The following CHCHD3 variants were observed in gnomAD, a reference collection of about 807,000 sequenced individuals.
CHCHD3 encodes MICOS complex subunit MIC19.
A neutral mutation model predicts 38.2 loss-of-function variants in CHCHD3; 20 were observed. That is an observed-to-expected ratio of 0.52 (90% CI 0.37 to 0.76). The LOEUF is 0.76. Among genes scored for constraint, CHCHD3 ranks in the 30% least tolerant of loss-of-function variants. CHCHD3 has a pLI of 0.00. For missense variants in CHCHD3, 245 were observed against 279.2 expected (o/e 0.88, Z 0.87); for synonymous variants, 82 against 100.0 (o/e 0.82, Z 1.07).
At chr7:132,973,858 C>A in intron 4 of CHCHD3, 1 of 1,153,528 alleles carries the variant, frequency 8.7e-7, no homozygotes, top group Non-Finnish European at 1.1e-6. Flanking sequence ...CTCTTCAGTT[C>A]AAAGTTCTCC....
rs190778964 is a variant in CHCHD3, at chr7:132,893,752, G to A, written c.370-8007C>T. 2.6e-3 allele frequency among the ~76,000 whole-genome samples: 394 copies of A among 152,270 alleles called. 4 individuals are homozygous for A. The highest frequency in any genetic ancestry group is 9.0e-3 in the African/African-American group (375 of 41,556). On this transcript the variant is annotated intron_variant, in intron 4 of 7. Transcript: ENST00000262570. ...AGCTCTCATGAGATCTGATGGTTCT[G>A]TAAGTGTCTGAAGGTTTCTCTTTCA...
At chr7:132,856,393 T>A (rs1222674237) in intron 5 of CHCHD3, among the ~76,000 whole-genome samples, 1 of 152,256 alleles carries the variant, frequency 6.6e-6, no homozygotes. Context: ...TGAACACATT[T>A]CAAGAGAAAG....
intron 2 of CHCHD3, among the ~76,000 whole-genome samples, chr7:133,066,291 G>C (rs930044986): frequency 1.4e-5 from 2 of 147,318 alleles, no homozygotes; most frequent in Admixed American, 1.4e-4. Flanking sequence ...GTCTCACTCT[G>C]TTGCCCAGGC....
At chr7:132,916,269 A>T (rs181644329) in intron 4 of CHCHD3, among the ~76,000 whole-genome samples, 1 of 152,318 alleles carries the variant, frequency 6.6e-6, no homozygotes, top group East Asian at 1.9e-4. Context: ...GTGCTCTTTC[A>T]CAGAATTAGA....
chr7:132,951,310 G>A (rs79766754), intron 4 of CHCHD3, among the ~76,000 whole-genome samples: 2,130 of 152,284 alleles, frequency 0.014, 56 homozygotes, highest in African/African-American at 0.048. Context: ...TCAAGAAATA[G>A]AGTCCCTGGC....
intron 5 of CHCHD3, among the ~76,000 whole-genome samples, chr7:132,842,052 C>T (rs1036450729): frequency 2.6e-5 from 4 of 151,852 alleles, no homozygotes; most frequent in Non-Finnish European, 5.9e-5. Context: ...GAGCCAAGAT[C>T]GCGCCATTGC....
intron 7 of CHCHD3, among the ~76,000 whole-genome samples, chr7:132,790,325 G>A (rs528635500): frequency 6.6e-6 from 1 of 152,210 alleles, no homozygotes; most frequent in African/African-American, 2.4e-5. Context: ...ATGACCATGG[G>A]AAAAGAAATA....
At chr7:133,022,020 G>A (rs1813191605) in intron 3 of CHCHD3, among the ~76,000 whole-genome samples, 1 of 152,028 alleles carries the variant, frequency 6.6e-6, no homozygotes, top group Non-Finnish European at 1.5e-5. Context: ...CCCAGAGGTG[G>A]AGGTTGCAGT....
intron 2 of CHCHD3, among the ~76,000 whole-genome samples, chr7:133,049,319 C>T (rs1814079833): frequency 6.6e-6 from 1 of 152,170 alleles, no homozygotes; most frequent in Non-Finnish European, 1.5e-5. Flanking sequence ...AGATCATATT[C>T]TTTTGAATCA....
chr7:132,791,970 T>G (rs1420818985), intron 7 of CHCHD3, among the ~76,000 whole-genome samples: 1 of 152,168 alleles, frequency 6.6e-6, no homozygotes, highest in Non-Finnish European at 1.5e-5. Context: ...GACGTCCTTA[T>G]TGTGAGCTGA....
chr7:132,894,553 A>G (rs1304022177), intron 4 of CHCHD3, among the ~76,000 whole-genome samples: 1 of 152,202 alleles, frequency 6.6e-6, no homozygotes, highest in East Asian at 1.9e-4. Context: ...TGTATGATAC[A>G]TGCTTACTTA....
chr7:132,790,026 G>A (rs958134703), intron 7 of CHCHD3, among the ~76,000 whole-genome samples: 2 of 152,200 alleles, frequency 1.3e-5, no homozygotes, highest in Admixed American at 6.5e-5. Flanking sequence ...AGCACAAAGC[G>A]AGTTTTGCCT....
At chr7:132,973,068 T>C in intron 4 of CHCHD3, 1 of 985,408 alleles carries the variant, frequency 1.0e-6, no homozygotes, top group Non-Finnish European at 1.2e-6. Flanking sequence ...TATGTCTTGC[T>C]GAGTGTGTGT....
chr7:132,886,974 T>A, intron 4 of CHCHD3: 1 of 1,303,590 alleles, frequency 7.7e-7, no homozygotes, highest in Non-Finnish European at 9.8e-7. Flanking sequence ...TGCTACTTAC[T>A]TTGTCTTCAA....
chr7:133,065,911 G>A (rs1814654734), intron 2 of CHCHD3, among the ~76,000 whole-genome samples: 1 of 152,104 alleles, frequency 6.6e-6, no homozygotes, highest in African/African-American at 2.4e-5. Flanking sequence ...GGTTGGAAAG[G>A]GTGAGAGAAA....
intron 6 of CHCHD3, among the ~76,000 whole-genome samples, chr7:132,824,403 A>C (rs1030116420): frequency 1.4e-5 from 2 of 138,908 alleles, no homozygotes; most frequent in African/African-American, 2.7e-5. Context: ...ACTGCAAGCT[A>C]CGCCTCCTGG....
At chr7:132,976,389 C>T (rs757365753) in intron 3 of CHCHD3, among the ~76,000 whole-genome samples, 5 of 152,146 alleles carry the variant, frequency 3.3e-5, no homozygotes, top group Non-Finnish European at 7.4e-5. Flanking sequence ...AGCCTCATCA[C>T]ACAATTAGAT....
chr7:132,898,652 A>T (rs897224809), intron 4 of CHCHD3, among the ~76,000 whole-genome samples: 9 of 152,250 alleles, frequency 5.9e-5, no homozygotes, highest in African/African-American at 2.2e-4. Flanking sequence ...GCTGTGGAGC[A>T]GGGGGTGGCG....
intron 5 of CHCHD3, among the ~76,000 whole-genome samples, chr7:132,866,847 T>C (rs1808638452): frequency 6.6e-6 from 1 of 152,130 alleles, no homozygotes; most frequent in South Asian, 2.1e-4. Flanking sequence ...GAGCAATAAA[T>C]GACATGGAGC....
Sources: gnomAD v4.1 joint callset for allele counts (sites outside exome capture counted in the v4.1 genomes callset) on GRCh38, gnomAD v4.1.1 for gene constraint, MANE v1.5 for transcripts, NCBI Gene and HGNC (gene_info 2026-07-23, HGNC 2026-07-21) for gene names.